The following CTNNA2 variants were observed in gnomAD, a reference collection of about 807,000 sequenced individuals.
The protein encoded by CTNNA2 is catenin alpha-2.
In CTNNA2, 42 loss-of-function variants were observed where a neutral mutation model predicts 101.0. The ratio of observed to expected loss-of-function variants is 0.42; its 90% CI spans 0.32 to 0.54. The LOEUF (loss-of-function observed/expected upper bound fraction) is 0.54, where lower values mean the gene tolerates loss of function less well. Ranked by LOEUF, CTNNA2 falls within the 20% of genes least tolerant of loss-of-function variation. The pLI, the probability that CTNNA2 is intolerant of heterozygous loss-of-function variation, is 0.14. For synonymous variants in CTNNA2, 450 were observed against 456.4 expected, an observed-to-expected ratio of 0.99 and a Z score of 0.18; for missense variants, 871 against 1,223.1, an observed-to-expected ratio of 0.71 and a Z score of 4.29.
chr2:79,788,291 C>T (rs1675007324), intron 3 of CTNNA2, among the ~76,000 whole-genome samples: 1 of 152,056 alleles, frequency 6.6e-6, no homozygotes, highest in Non-Finnish European at 1.5e-5. Flanking sequence ...GAAATAATGG[C>T]AATGGAATTG....
intron 13 of CTNNA2, among the ~76,000 whole-genome samples, chr2:80,578,391 T>A (rs989220164): frequency 6.6e-6 from 1 of 152,184 alleles, no homozygotes; most frequent in Non-Finnish European, 1.5e-5. Context: ...TGTAACACTA[T>A]CTAATGATAG....
rs1678374095 is a variant in CTNNA2, at chr2:79,825,577, G to A, written c.299-32436G>A. The stretch of plus-strand genomic sequence containing the variant: ...GGTGTGGAACAGGTTTGAGCAGCCG[G>A]GGAGAGGAGGGAATGCAGATTTCAG... On this transcript the variant is annotated intron_variant, in intron 3 of 18. Transcript: ENST00000402739. Among the ~76,000 whole-genome samples, 3 of 152,240 alleles carry A rather than the reference G, an allele frequency of 2.0e-5. No individual in the cohort carries two copies. The South Asian group carries it at 6.2e-4, about 32-fold the overall frequency.
chr2:79,192,381 C>T (rs892042115), intron 1 of CTNNA2, among the ~76,000 whole-genome samples: 1 of 152,150 alleles, frequency 6.6e-6, no homozygotes, highest in South Asian at 2.1e-4. Context: ...CTTAACCCTG[C>T]ATGTTCCTCA....
chr2:80,093,354 A>G (rs1301664330), intron 7 of CTNNA2, among the ~76,000 whole-genome samples: 1 of 152,178 alleles, frequency 6.6e-6, no homozygotes, highest in Non-Finnish European at 1.5e-5. Context: ...TTATGGCTGC[A>G]TAGTATTCCA....
rs576481143 is a variant in CTNNA2 at position 80,584,739 on chromosome 2, G to A, written c.2007+2920G>A. Reference sequence around the variant, plus strand: ...TCCTCGTATGCTACCACATAAGGTCGTAGGGAGAATTCCATGATAAAATGT... The same window carrying A: ...TCCTCGTATGCTACCACATAAGGTCATAGGGAGAATTCCATGATAAAATGT... On this transcript the variant is annotated intron_variant, in intron 14 of 18. Transcript: ENST00000402739. 3.5e-4 allele frequency among the ~76,000 whole-genome samples: 53 copies of A among 152,176 alleles called. No individual in the cohort carries two copies. The South Asian group carries it at 3.7e-3, about 11-fold the overall frequency.
At chr2:79,508,947 C>G (rs1558686376), upstream of CTNNA2, among the ~76,000 whole-genome samples, 1 of 105,874 alleles carries the variant, frequency 9.4e-6, no homozygotes, top group Non-Finnish European at 1.9e-5. Context: ...TATATATTCA[C>G]CATTGCAGTA....
At chr2:79,826,358 T>A (rs530934071) in intron 3 of CTNNA2, among the ~76,000 whole-genome samples, 67 of 152,372 alleles carry the variant, frequency 4.4e-4, no homozygotes, top group Admixed American at 1.8e-3. Context: ...AGAGAAAGGA[T>A]GTACTGGGTC....
chr2:80,446,391 A>G (rs1374643916), intron 9 of CTNNA2, among the ~76,000 whole-genome samples: 1 of 152,238 alleles, frequency 6.6e-6, no homozygotes, highest in Non-Finnish European at 1.5e-5. Flanking sequence ...AGATTGTGTT[A>G]TGTGCACACT....
intron 7 of CTNNA2, among the ~76,000 whole-genome samples, chr2:80,044,186 A>G (rs754951029): frequency 2.6e-5 from 4 of 152,186 alleles, no homozygotes; most frequent in Non-Finnish European, 4.4e-5. Context: ...TTAGTATACA[A>G]TTTACAACAT....
chr2:79,393,729 G>A (rs940313394), intron 4 of CTNNA2, among the ~76,000 whole-genome samples: 7 of 151,044 alleles, frequency 4.6e-5, no homozygotes, highest in African/African-American at 1.5e-4. Flanking sequence ...TAGGGTTTCC[G>A]TGCTACTAAA....
intron 4 of CTNNA2, among the ~76,000 whole-genome samples, chr2:79,423,598 C>G (rs1678561040): frequency 6.6e-6 from 1 of 152,126 alleles, no homozygotes; most frequent in South Asian, 2.1e-4. Context: ...CTCTACCTGA[C>G]CATGACAGAT....
intron 7 of CTNNA2, among the ~76,000 whole-genome samples, chr2:80,225,460 G>A (rs1391185941): frequency 2.6e-5 from 4 of 152,100 alleles, no homozygotes; most frequent in Admixed American, 2.6e-4. Flanking sequence ...TCAGCACCGA[G>A]TTGGCCATAA....
At chr2:79,731,941 A>C (rs574344038) in intron 2 of CTNNA2, among the ~76,000 whole-genome samples, 1 of 151,996 alleles carries the variant, frequency 6.6e-6, no homozygotes, top group Non-Finnish European at 1.5e-5. Context: ...TTCTCCTAAA[A>C]TGACATTAAA....
intron 9 of CTNNA2, among the ~76,000 whole-genome samples, chr2:80,421,296 C>A (rs1680508008): frequency 6.6e-6 from 1 of 152,086 alleles, no homozygotes; most frequent in African/African-American, 2.4e-5. Context: ...TGAAAATATT[C>A]ATTGATGGTG....
chr2:80,140,464 T>A (rs1702945195), intron 7 of CTNNA2, among the ~76,000 whole-genome samples: 2 of 152,092 alleles, frequency 1.3e-5, no homozygotes, highest in Admixed American at 1.3e-4. Context: ...AACATGGTCT[T>A]AAGTCCATGG....
chr2:80,062,383 C>T (rs1372604231), intron 7 of CTNNA2, among the ~76,000 whole-genome samples: 2 of 152,176 alleles, frequency 1.3e-5, no homozygotes. Context: ...TAATTCACCA[C>T]TTTAGCCATT....
chr2:79,394,816 G>C (rs1007673378), intron 4 of CTNNA2, among the ~76,000 whole-genome samples: 1 of 152,024 alleles, frequency 6.6e-6, no homozygotes, highest in Non-Finnish European at 1.5e-5. Flanking sequence ...TGTAAAAAAG[G>C]CCAAACAAGA....
chr2:79,462,446 T>C (rs1864548), intron 4 of CTNNA2, among the ~76,000 whole-genome samples: 49,215 of 152,002 alleles, frequency 0.32, 8,262 homozygotes, highest in Middle Eastern at 0.4. Context: ...TTAGTCCTTT[T>C]TGGAGAACTA....
intron 1 of CTNNA2, among the ~76,000 whole-genome samples, chr2:79,598,054 T>A (rs1022151208): frequency 1.3e-5 from 2 of 152,216 alleles, no homozygotes; most frequent in African/African-American, 4.8e-5. Context: ...TCAGAACTTA[T>A]AGTTAGAATC....
Sources: gnomAD v4.1 joint callset for allele counts (sites outside exome capture counted in the v4.1 genomes callset) on GRCh38, gnomAD v4.1.1 for gene constraint, MANE v1.5 for transcripts, NCBI Gene and HGNC (gene_info 2026-07-23, HGNC 2026-07-21) for gene names.